RBM17: variants seen among roughly 807,000 people sequenced by gnomAD.
The protein encoded by RBM17 is splicing factor 45.
A neutral mutation model predicts 53.2 loss-of-function variants in RBM17; 7 were observed. That is an observed-to-expected ratio of 0.13 (90% CI 0.07 to 0.25). RBM17 has a LOEUF of 0.25. Ranked by LOEUF, RBM17 falls within the 10% of genes least tolerant of loss-of-function variation. The probability of loss-of-function intolerance (pLI) is 1.00; values close to 1 mark genes in which losing one functional copy is unlikely to be tolerated. For missense variants in RBM17, 257 were observed against 496.7 expected, an observed-to-expected ratio of 0.52 and a Z score of 4.59; for synonymous variants, 167 against 178.1, an observed-to-expected ratio of 0.94 and a Z score of 0.50.
In RBM17 at chr10:6,112,130, G is replaced by T; in HGVS notation, c.705-80G>T. 6.9e-7 allele frequency: 1 copy of T among 1,459,130 alleles called. No individual in the cohort carries two copies. The highest frequency in any genetic ancestry group is 1.2e-5 in the South Asian group (1 of 80,462). 90.4% of individuals were successfully genotyped at this position (1,459,130 alleles called of 1,614,324 possible). A position where few individuals can be genotyped will look rare whatever the true frequency, so the allele number is the denominator to read the frequency against. On this transcript the variant is annotated intron_variant, in intron 7 of 11. Coordinates refer to ENST00000379888, the MANE Select transcript of RBM17 (RefSeq NM_032905.5). This position sits in a 1 kb window ranked among gnomAD's most constrained non-coding sequence, Gnocchi z 4.4. ...GAGCATGCACTCTCTCCAGAAGGAG[G>T]TTGTTGTGATGGAAAAATGCAACCT...
intron 2 of RBM17, among the ~76,000 whole-genome samples, chr10:6,098,269 T>A (rs76115229): frequency 0.014 from 2,142 of 152,252 alleles, 56 homozygotes; most frequent in African/African-American, 0.049. Context: ...GTATCTGTGG[T>A]GTGAAAATTT....
Position 6,112,339 on chromosome 10 carries a change from C to T in RBM17, c.834C>T (p.Ile278=), listed in dbSNP as rs747646881. The T allele has an allele frequency of 4.8e-5, 78 of 1,613,778 alleles. No homozygotes were observed. Among genetic ancestry groups the T allele is most frequent in the East Asian group, 8.9e-5 (4 of 44,870 alleles). ...EKTSKRGGKI[I]VGDATEKDAS... is the part of the protein sequence containing the mutation. ...CCAGCAAGCGTGGCGGCAAGATCAT[C>T]GTGGGCGACGCCACAGAGAAAGGTG... The change falls in exon 8 of 12, where the codon ATC becomes ATT. Residue 278 remains isoleucine (I), a synonymous_variant. Coordinates refer to ENST00000379888, the MANE Select transcript of RBM17 (RefSeq NM_032905.5). The surrounding 1 kb of genome is among the most constrained non-coding windows in gnomAD (Gnocchi z 4.4).
intron 5 of RBM17, among the ~76,000 whole-genome samples, chr10:6,108,250 TTC>T (rs1200914741): frequency 6.6e-6 from 1 of 152,194 alleles, no homozygotes; most frequent in African/African-American, 2.4e-5. Context: ...CCTCTGATCA[TTC>T]TCTTATTTGT....
chr10:6,101,481 G>C, intron 3 of RBM17, 94 bp downstream of exon 3: 2 of 592,152 alleles, frequency 3.4e-6, no homozygotes, highest in Non-Finnish European at 5.6e-6. Flanking sequence ...GGCCTCCTTG[G>C]TGGGCCTTTG....
intron 5 of RBM17, among the ~76,000 whole-genome samples, chr10:6,107,461 A>G (rs1840769383): frequency 7.9e-6 from 1 of 126,644 alleles, no homozygotes. Flanking sequence ...TACAGGTATG[A>G]GCCACTGCAC....
chr10:6,097,316 G>T, intron 2 of RBM17, 128 bp downstream of exon 2: 2 of 947,196 alleles, frequency 2.1e-6, no homozygotes, highest in East Asian at 2.5e-5. Flanking sequence ...GCATTTGTAG[G>T]GGGAGAGGAA....
rs773302100 is a variant in RBM17, at chr10:6,105,103, G to T, written c.407+6G>T. On this transcript the variant is annotated splice_donor_region_variant and intron_variant, in intron 4 of 11. Coordinates refer to ENST00000379888, the MANE Select transcript of RBM17 (RefSeq NM_032905.5). ...GAAATAGAAGAAAGGGAAAAGTAAGGCTTCCTTTGGATTTGGGGATATTTT... is the reference window on the plus strand; with the variant it reads ...GAAATAGAAGAAAGGGAAAAGTAAGTCTTCCTTTGGATTTGGGGATATTTT... The T allele has an allele frequency of 1.9e-6, 3 of 1,610,866 alleles. No homozygotes were observed. The highest frequency in any genetic ancestry group is 2.5e-6 in the Non-Finnish European group (3 of 1,178,110).
chr10:6,116,514 T>A lies in RBM17; in HGVS notation c.*958T>A, dbSNP rs529296036. 1 of 152,492 alleles carries A rather than the reference T, an allele frequency of 6.6e-6. No individual in the cohort carries two copies. The highest frequency in any genetic ancestry group is 2.4e-5 in the African/African-American group (1 of 41,592). 9.4% of individuals were successfully genotyped at this position (152,492 alleles called of 1,614,324 possible). A position where few individuals can be genotyped will look rare whatever the true frequency, so the allele number is the denominator to read the frequency against. ...CAGTAGGATGTGTGGCTTAAAAATT[T>A]ATCAGGACCACAAAAAAGAAAACAA... On this transcript the variant is annotated 3_prime_UTR_variant, in exon 12 of 12. Coordinates refer to ENST00000379888, the MANE Select transcript of RBM17 (RefSeq NM_032905.5).
chr10:6,115,614 G>A lies in RBM17; in HGVS notation c.*58G>A. On this transcript the variant is annotated 3_prime_UTR_variant, in exon 12 of 12. Transcript: ENST00000379888. ...GATCCTTAAATGAACTGCAGGCTGA[G>A]AAAAGAAGGAAAAAGGTCACAGCCT... 1.8e-6 allele frequency: 2 copies of A among 1,102,806 alleles called. No individual in the cohort carries two copies. Among genetic ancestry groups the A allele is most frequent in the Non-Finnish European group, 2.8e-6 (2 of 721,880 alleles). 68.3% of individuals were successfully genotyped at this position (1,102,806 alleles called of 1,614,324 possible).
chr10:6,112,470 G>C lies in RBM17; in HGVS notation c.856+109G>C. Reference sequence around the variant, plus strand: ...TCAGCAGGGGGACAATGAGGCGTGTGGCCAGAGGGAGAGGGCTGGCCCTGC... The same window carrying C: ...TCAGCAGGGGGACAATGAGGCGTGTCGCCAGAGGGAGAGGGCTGGCCCTGC... On this transcript the variant is annotated intron_variant, in intron 8 of 11. Transcript: ENST00000379888. This position sits in a 1 kb window ranked among gnomAD's most constrained non-coding sequence, Gnocchi z 4.4. 1 of 1,356,252 alleles carries C rather than the reference G, an allele frequency of 7.4e-7. No homozygotes were observed. Among genetic ancestry groups the C allele is most frequent in the Non-Finnish European group, 1.0e-6 (1 of 965,864 alleles). The allele number at this position is 1,356,252 out of a possible 1,614,324, so 84.0% of individuals were successfully genotyped here. A position where few individuals can be genotyped will look rare whatever the true frequency, so the allele number is the denominator to read the frequency against.
Position 6,112,542 on chromosome 10 carries a change from TC to T in RBM17, c.856+183del. 1.5e-6 allele frequency: 1 copy of T among 673,086 alleles called. No individual in the cohort carries two copies. Among genetic ancestry groups the T allele is most frequent in the Non-Finnish European group, 2.6e-6 (1 of 386,470 alleles). 41.7% of individuals were successfully genotyped at this position (673,086 alleles called of 1,614,324 possible). ...CCTGTTCATATGATGCACTGCCACT[TC>T]CGTTTTGTGAAACCAGGAATCCTGA... On this transcript the variant is annotated intron_variant, in intron 8 of 11. Transcript: ENST00000379888. The surrounding 1 kb of genome is among the most constrained non-coding windows in gnomAD (Gnocchi z 4.4).
rs561504050 is a variant in RBM17 at position 6,115,696 on chromosome 10, A to G, written c.*140A>G. ...GGACTTCTAAGATATATGTTGATTG[A>G]TCCCTTTTTTATTTTGTGGTTTTTT... On this transcript the variant is annotated 3_prime_UTR_variant, in exon 12 of 12. Coordinates refer to ENST00000379888, the MANE Select transcript of RBM17 (RefSeq NM_032905.5). The G allele has an allele frequency of 3.4e-5, 18 of 535,498 alleles. No individual in the cohort carries two copies. In the African/African-American group the frequency reaches 3.4e-4, roughly 10 times the overall value. The allele number at this position is 535,498 out of a possible 1,614,324, so 33.2% of individuals were successfully genotyped here.
At chr10:6,098,556 G>GGTTTTTTTTTTTTTT (rs1840613398) in intron 2 of RBM17, among the ~76,000 whole-genome samples, 1 of 87,976 alleles carries the variant, frequency 1.1e-5, no homozygotes, top group Non-Finnish European at 2.3e-5. Context: ...TAATACACAG[G>GGTTTTTTTTTTTTTT]TTTTTTGTTT....
chr10:6,115,271 G>A lies in RBM17; in HGVS notation c.1062G>A (p.Arg354=). ...GTGCCCCTGATGATGAAGCAGTACGGATATTTTTAGAATTTGAGAGAGTTG... is the reference window on the plus strand; with the variant it reads ...GTGCCCCTGATGATGAAGCAGTACGAATATTTTTAGAATTTGAGAGAGTTG... ...IPGAPDDEAV[R]IFLEFERVES... Residue 354 remains arginine (R), a synonymous_variant, in exon 11 of 12, where the codon CGG becomes CGA. Transcript: ENST00000379888. The A allele has an allele frequency of 6.2e-7, 1 of 1,613,834 alleles. No individual in the cohort carries two copies. The highest frequency in any genetic ancestry group is 8.5e-7 in the Non-Finnish European group (1 of 1,179,836).
Position 6,104,303 on chromosome 10 carries a change from G to A in RBM17, c.241-628G>A, listed in dbSNP as rs527420562. Among the ~76,000 whole-genome samples the A allele has an allele frequency of 5.8e-4, 88 of 152,300 alleles. 1 individual carries two copies. The highest frequency in any genetic ancestry group is 2.0e-3 in the African/African-American group (85 of 41,556). The stretch of plus-strand genomic sequence containing the variant: ...GAATGTATAGACGAGAAAACACGAA[G>A]TGTTATCTAAACCTGATTTTAGTGA... On this transcript the variant is annotated intron_variant, in intron 3 of 11. Transcript: ENST00000379888.
intron 1 of RBM17, among the ~76,000 whole-genome samples, chr10:6,093,306 C>T (rs1588341988): frequency 1.3e-5 from 2 of 152,078 alleles, no homozygotes; most frequent in African/African-American, 2.4e-5. Context: ...CTCCGCCTCC[C>T]GGGTTCAAGC....
At chr10:6,098,397 T>G (rs1840610834) in intron 2 of RBM17, among the ~76,000 whole-genome samples, 1 of 152,130 alleles carries the variant, frequency 6.6e-6, no homozygotes, top group Non-Finnish European at 1.5e-5. Context: ...ATGTCATTTT[T>G]GGGATTTACT....
Position 6,113,533 on chromosome 10 carries a change from T to G in RBM17, c.882T>G (p.Asn294Lys), listed in dbSNP as rs1840869826. The change falls in exon 9 of 12, where the codon AAT becomes AAG. Residue 294 changes from asparagine (N) to lysine (K), a missense_variant. Coordinates refer to ENST00000379888, the MANE Select transcript of RBM17 (RefSeq NM_032905.5). Reference sequence around the variant, plus strand: ...ATGCATCCAAGAAGTCAGATTCAAATCCGCTGACTGAAATACTTAAGTGTC... The same window carrying G: ...ATGCATCCAAGAAGTCAGATTCAAAGCCGCTGACTGAAATACTTAAGTGTC... ...EKDASKKSDS[N>K]PLTEILKCPT... The G allele has an allele frequency of 6.2e-7, 1 of 1,613,288 alleles. No individual in the cohort carries two copies. Among genetic ancestry groups the G allele is most frequent in the Admixed American group, 1.7e-5 (1 of 59,992 alleles).
chr10:6,114,831 A>AG (rs1840892043), intron 10 of RBM17: 2 of 171,808 alleles, frequency 1.2e-5, no homozygotes, highest in South Asian at 3.2e-4. Context: ...GGAATTACAG[A>AG]GGGCTAGGAA....
Sources: gnomAD v4.1 joint callset for allele counts (sites outside exome capture counted in the v4.1 genomes callset) on GRCh38, gnomAD v4.1.1 for gene constraint, Gnocchi (gnomAD v3.1) non-coding constraint, MANE v1.5 for transcripts, NCBI Gene and HGNC (gene_info 2026-07-23, HGNC 2026-07-21) for gene names.